ADAMTS17: variants seen among roughly 807,000 people sequenced by gnomAD.
ADAMTS17 encodes ADAM metallopeptidase with thrombospondin type 1 motif 17, also known as A disintegrin and metalloproteinase with thrombospondin motifs 17.
In ADAMTS17, 113 loss-of-function variants were observed where a neutral mutation model predicts 141.5. That is an observed-to-expected ratio of 0.80 (90% CI 0.69 to 0.93). The LOEUF (loss-of-function observed/expected upper bound fraction) is 0.93. Among genes scored for constraint, ADAMTS17 ranks in the 40% least tolerant of loss-of-function variants. ADAMTS17 has a pLI of 0.00. For missense variants in ADAMTS17, 1,659 were observed against 1,517.9 expected, an observed-to-expected ratio of 1.09 and a Z score of -1.54; for synonymous variants, 768 against 630.6, an observed-to-expected ratio of 1.22 and a Z score of -3.27.
chr15:100,172,625 C>T (rs1331202343), intron 8 of ADAMTS17, among the ~76,000 whole-genome samples: 1 of 152,146 alleles, frequency 6.6e-6, no homozygotes, highest in African/African-American at 2.4e-5. Context: ...CCAAACTATT[C>T]ACCCCACCAC....
chr15:100,002,879 CCTT>C lies in ADAMTS17; in HGVS notation c.2592-5293_2592-5291del, dbSNP rs148905166. ...CCCGCGGAGTTCTTACAATCTCCCT[CCTT>C]GTCACAGCCCAGAGCCTCACAGGGG... On this transcript the variant is annotated intron_variant, in intron 18 of 21. Transcript: ENST00000268070. Among the ~76,000 whole-genome samples, 1,413 of 152,176 alleles carry C rather than the reference CCTT, an allele frequency of 9.3e-3. 46 individuals are homozygous for C. Among genetic ancestry groups the C allele is most frequent in the African/African-American group, 0.032 (1,332 of 41,436 alleles).
intron 18 of ADAMTS17, among the ~76,000 whole-genome samples, chr15:100,012,574 T>G (rs898166608): frequency 5.3e-5 from 8 of 152,222 alleles, no homozygotes; most frequent in African/African-American, 1.9e-4. Flanking sequence ...AGGTGAGAGA[T>G]GAAGATCCAG....
intron 3 of ADAMTS17, among the ~76,000 whole-genome samples, chr15:100,319,350 G>C (rs1464695413): frequency 6.6e-6 from 1 of 152,214 alleles, no homozygotes; most frequent in Non-Finnish European, 1.5e-5. Flanking sequence ...CACATCAGCA[G>C]AATTTGAGCT....
chr15:100,279,779 C>G lies in ADAMTS17; in HGVS notation c.789+1450G>C, dbSNP rs115651562. On this transcript the variant is annotated intron_variant, in intron 4 of 21. Coordinates refer to ENST00000268070, the MANE Select transcript of ADAMTS17 (RefSeq NM_139057.4). ...TTCCACCTGACTAGGCTTCTCTCTCCTCTCCTTTAGCCAAGATCAGCAACT... is the reference window on the plus strand; with the variant it reads ...TTCCACCTGACTAGGCTTCTCTCTCGTCTCCTTTAGCCAAGATCAGCAACT... Among the ~76,000 whole-genome samples the G allele has an allele frequency of 7.6e-3, 1,154 of 152,312 alleles. 17 individuals are homozygous for G. The highest frequency in any genetic ancestry group is 0.026 in the African/African-American group (1,090 of 41,566).
chr15:100,217,113 G>GA (rs200443345), intron 7 of ADAMTS17, among the ~76,000 whole-genome samples: 49 of 151,914 alleles, frequency 3.2e-4, no homozygotes, highest in Admixed American at 2.4e-3. Flanking sequence ...TTTCTGATAG[G>GA]AAAAATAAAC....
chr15:100,156,879 T>C (rs1182681627), intron 8 of ADAMTS17, among the ~76,000 whole-genome samples: 2 of 152,248 alleles, frequency 1.3e-5, no homozygotes, highest in African/African-American at 2.4e-5. Context: ...ATTATAGGCA[T>C]GCTTTGTGTG....
chr15:100,079,490 G>A (rs1195686334), intron 15 of ADAMTS17, among the ~76,000 whole-genome samples: 1 of 152,192 alleles, frequency 6.6e-6, no homozygotes, highest in African/African-American at 2.4e-5. Context: ...TGTCCAGATA[G>A]GCAAATTTGT....
chr15:100,212,301 C>G (rs1437846952), intron 7 of ADAMTS17, among the ~76,000 whole-genome samples: 1 of 152,096 alleles, frequency 6.6e-6, no homozygotes, highest in East Asian at 1.9e-4. Context: ...AGGGAATGTA[C>G]AGCAAGCCTG....
intron 7 of ADAMTS17, among the ~76,000 whole-genome samples, chr15:100,245,101 A>T (rs2042947548): frequency 1.3e-5 from 2 of 152,212 alleles, no homozygotes; most frequent in South Asian, 4.1e-4. Flanking sequence ...AGAAACACCG[A>T]GAGAACAAGA....
intron 9 of ADAMTS17, among the ~76,000 whole-genome samples, chr15:100,153,471 GTC>G (rs1217340190): frequency 6.6e-6 from 1 of 151,948 alleles, no homozygotes; most frequent in Non-Finnish European, 1.5e-5. Flanking sequence ...GGAAACTCCT[GTC>G]TCTACTAAAA....
chr15:100,168,797 G>A (rs1247280756), intron 8 of ADAMTS17: 2 of 152,232 alleles, frequency 1.3e-5, no homozygotes, highest in Non-Finnish European at 2.9e-5. Flanking sequence ...CGGGTTGGGG[G>A]ATGTGATTCT....
At chr15:100,292,196 A>C (rs1057251504) in intron 3 of ADAMTS17, among the ~76,000 whole-genome samples, 8 of 149,152 alleles carry the variant, frequency 5.4e-5, no homozygotes, top group African/African-American at 2.0e-4. Context: ...CCCCGTGGGG[A>C]ATCACGAGAC....
intron 20 of ADAMTS17, chr15:99,980,548 A>G (rs1449158316): frequency 2.6e-5 from 4 of 152,168 alleles, no homozygotes; most frequent in African/African-American, 9.7e-5. Context: ...AACTGCACAG[A>G]TGGATGGAGG....
At chr15:100,167,734 G>A (rs191882028) in intron 8 of ADAMTS17, among the ~76,000 whole-genome samples, 6 of 152,368 alleles carry the variant, frequency 3.9e-5, no homozygotes, top group African/African-American at 1.4e-4. Context: ...CGCGTATGGC[G>A]AAATTCAATG....
intron 18 of ADAMTS17, among the ~76,000 whole-genome samples, chr15:100,043,298 C>T (rs1370595370): frequency 6.6e-6 from 1 of 152,156 alleles, no homozygotes; most frequent in Non-Finnish European, 1.5e-5. Context: ...TAAGTAATTC[C>T]ACTCATTCTT....
At chr15:100,081,771 T>C (rs867510000) in intron 15 of ADAMTS17, among the ~76,000 whole-genome samples, 2 of 152,350 alleles carry the variant, frequency 1.3e-5, no homozygotes, top group South Asian at 4.1e-4. Flanking sequence ...ATCCATTTGG[T>C]GAAAAGATGT....
At chr15:100,153,103 T>TA (rs2039264862) in intron 9 of ADAMTS17, among the ~76,000 whole-genome samples, 1 of 152,236 alleles carries the variant, frequency 6.6e-6, no homozygotes, top group Non-Finnish European at 1.5e-5. Context: ...CGTATTTTCT[T>TA]AGACTATGGC....
At chr15:100,271,705 T>A (rs748001981) in intron 4 of ADAMTS17, among the ~76,000 whole-genome samples, 3 of 152,214 alleles carry the variant, frequency 2.0e-5, no homozygotes, top group Non-Finnish European at 1.5e-5. Flanking sequence ...GTTGATAGTA[T>A]CCTTTGAGGC....
intron 10 of ADAMTS17, 93 bp downstream of exon 10, chr15:100,152,519 G>T: frequency 6.4e-7 from 1 of 1,551,310 alleles, no homozygotes; most frequent in Non-Finnish European, 8.8e-7. Context: ...TGTGCTGAGT[G>T]TGAATGCCCA....
Sources: allele counts gnomAD v4.1 joint callset (sites outside exome capture counted in the v4.1 genomes callset), GRCh38; gene constraint gnomAD v4.1.1; transcripts MANE v1.5; gene names NCBI Gene and HGNC (gene_info 2026-07-23, HGNC 2026-07-21).